The following MAST4 variants were observed in gnomAD, a reference collection of about 807,000 sequenced individuals.
MAST4 encodes microtubule-associated serine/threonine-protein kinase 4.
Under a neutral mutation model 162.7 loss-of-function variants are expected in MAST4, and 89 were observed. That is an observed-to-expected ratio of 0.55 (90% CI 0.46 to 0.65). The LOEUF is 0.65. Ranked by LOEUF, MAST4 falls within the 30% of genes least tolerant of loss-of-function variation. The pLI, the probability that MAST4 is intolerant of heterozygous loss-of-function variation, is 0.00. For synonymous variants in MAST4, 1,479 were observed against 1,361.1 expected, an observed-to-expected ratio of 1.09 and a Z score of -1.91; for missense variants, 3,153 against 3,374.0, an observed-to-expected ratio of 0.93 and a Z score of 1.62.
At chr5:67,018,108 T>C (rs930337624) in intron 4 of MAST4, among the ~76,000 whole-genome samples, 32 of 152,320 alleles carry the variant, frequency 2.1e-4, no homozygotes, top group African/African-American at 7.7e-4. Flanking sequence ...TTAAAAATCA[T>C]TTTTATGAGG....
At chr5:67,123,086 C>T (rs1349964694) in intron 14 of MAST4, among the ~76,000 whole-genome samples, 1 of 152,198 alleles carries the variant, frequency 6.6e-6, no homozygotes, top group Non-Finnish European at 1.5e-5. Flanking sequence ...TGACTGCCGG[C>T]TTATGGGAAC....
At chr5:66,910,763 T>G in intron 4 of MAST4, among the ~76,000 whole-genome samples, 1 of 90,956 alleles carries the variant, frequency 1.1e-5, no homozygotes, top group Admixed American at 1.3e-4. Flanking sequence ...TTCTTTTTTT[T>G]TTTTTTGAGA....
rs376157232 is a variant in MAST4, at chr5:66,862,259, G to A, written c.643-37692G>A. 1.8e-4 allele frequency among the ~76,000 whole-genome samples: 27 copies of A among 152,152 alleles called. No individual in the cohort carries two copies. In the South Asian group the frequency reaches 5.0e-3, roughly 28 times the overall value. ...AATTGGTTTACCTTTAGATTTCCCC[G>A]CCAAATTTCCCAGTGGAAAATTGGT... On this transcript the variant is annotated intron_variant, in intron 3 of 28. Transcript: ENST00000403625.
intron 3 of MAST4, among the ~76,000 whole-genome samples, chr5:66,836,052 T>C (rs1422082680): frequency 1.3e-5 from 2 of 152,066 alleles, no homozygotes. Context: ...GCACCTGTAG[T>C]CCCAAGTACC....
intron 5 of MAST4, among the ~76,000 whole-genome samples, chr5:67,073,808 C>A (rs1761260190): frequency 6.6e-6 from 1 of 152,102 alleles, no homozygotes; most frequent in Non-Finnish European, 1.5e-5. Context: ...TTCTTTCATA[C>A]TATATATACT....
intron 4 of MAST4, among the ~76,000 whole-genome samples, chr5:67,003,669 T>A (rs527679552): frequency 6.6e-6 from 1 of 152,316 alleles, no homozygotes; most frequent in East Asian, 1.9e-4. Flanking sequence ...ATACAAACAT[T>A]CATGGATAGG....
chr5:66,608,927 A>C (rs1579977600), intron 1 of MAST4, among the ~76,000 whole-genome samples: 1 of 151,984 alleles, frequency 6.6e-6, no homozygotes, highest in South Asian at 2.1e-4. Flanking sequence ...TGGTGTGGCT[A>C]TCTGTTGAGT....
chr5:66,616,223 A>G (rs1447730904), intron 1 of MAST4, among the ~76,000 whole-genome samples: 1 of 152,190 alleles, frequency 6.6e-6, no homozygotes, highest in Non-Finnish European at 1.5e-5. Flanking sequence ...TATTACGTGG[A>G]TCACAGGCAG....
intron 3 of MAST4, among the ~76,000 whole-genome samples, chr5:66,885,157 C>A (rs1364680371): frequency 6.6e-6 from 1 of 152,164 alleles, no homozygotes; most frequent in Non-Finnish European, 1.5e-5. Flanking sequence ...AAACGTTTCT[C>A]AGTCAATATG....
intron 3 of MAST4, among the ~76,000 whole-genome samples, chr5:66,833,620 G>T (rs72761262): frequency 0.24 from 36,051 of 152,014 alleles, 5,592 homozygotes; most frequent in Non-Finnish European, 0.35. Flanking sequence ...CATGTATCCC[G>T]TTTACCTACA....
chr5:67,103,114 TGTC>T (rs1412698377), intron 9 of MAST4, among the ~76,000 whole-genome samples: 2 of 152,208 alleles, frequency 1.3e-5, no homozygotes, highest in Non-Finnish European at 2.9e-5. Context: ...AAGGCACAGT[TGTC>T]GTGTTCTCCA....
chr5:66,864,042 A>G (rs988437094), intron 3 of MAST4, among the ~76,000 whole-genome samples: 5 of 152,226 alleles, frequency 3.3e-5, no homozygotes, highest in Non-Finnish European at 7.3e-5. Context: ...CCACACACAC[A>G]TATACACTTA....
chr5:66,660,446 G>T (rs112378534), intron 1 of MAST4, among the ~76,000 whole-genome samples: 1,569 of 152,308 alleles, frequency 0.01, 22 homozygotes, highest in African/African-American at 0.036. Flanking sequence ...ATTATCCACA[G>T]ATGGGTATTT....
chr5:66,902,841 T>C, intron 4 of MAST4: 1 of 360,594 alleles, frequency 2.8e-6, no homozygotes. Flanking sequence ...TGCCAAGGCT[T>C]CTTCTGACCC....
intron 3 of MAST4, among the ~76,000 whole-genome samples, chr5:66,844,596 A>G (rs1236137203): frequency 6.6e-6 from 1 of 152,104 alleles, no homozygotes; most frequent in African/African-American, 2.4e-5. Flanking sequence ...AAGGACAAAT[A>G]AGACCCAATT....
At chr5:66,673,530 GTT>G (rs11376867) in intron 1 of MAST4, among the ~76,000 whole-genome samples, 2 of 106,538 alleles carry the variant, frequency 1.9e-5, no homozygotes, top group Non-Finnish European at 2.0e-5. Flanking sequence ...TTTGTTTTTT[GTT>G]TTTTTTTTTT....
In MAST4 at chr5:66,612,209, A is replaced by G. The variant is rs1481847609; in HGVS notation, c.363+15191A>G. 4.6e-5 allele frequency among the ~76,000 whole-genome samples: 7 copies of G among 152,294 alleles called. No homozygotes were observed. The East Asian group carries it at 1.3e-3, about 29-fold the overall frequency. On this transcript the variant is annotated intron_variant, in intron 1 of 28. Transcript: ENST00000403625. ...TCTGAGGTTTAGGCTTCTTTTTTGCAGTGTTTCTTTTTCTTTCCCTTGCCT... is the reference window on the plus strand; with the variant it reads ...TCTGAGGTTTAGGCTTCTTTTTTGCGGTGTTTCTTTTTCTTTCCCTTGCCT...
At chr5:66,759,985 T>TA in intron 2 of MAST4, 123 bp downstream of exon 2, 1 of 961,950 alleles carries the variant, frequency 1.0e-6, no homozygotes, top group Non-Finnish European at 1.4e-6. Context: ...GACCATTTCA[T>TA]AAAAATCTTA....
At chr5:66,773,556 A>G (rs1458186495) in intron 2 of MAST4, among the ~76,000 whole-genome samples, 1 of 152,230 alleles carries the variant, frequency 6.6e-6, no homozygotes. Context: ...TGTCCTCTCT[A>G]AAATTCGGGT....
Sources: allele counts gnomAD v4.1 joint callset (sites outside exome capture counted in the v4.1 genomes callset), GRCh38; gene constraint gnomAD v4.1.1; transcripts MANE v1.5; gene names NCBI Gene and HGNC (gene_info 2026-07-23, HGNC 2026-07-21).